The following ADAMTS17 variants were observed in gnomAD, a reference collection of about 807,000 sequenced individuals.
ADAMTS17 encodes the protein ADAM metallopeptidase with thrombospondin type 1 motif 17, also known as A disintegrin and metalloproteinase with thrombospondin motifs 17.
A neutral mutation model predicts 141.5 loss-of-function variants in ADAMTS17; 113 were observed. That is an observed-to-expected ratio of 0.80 (90% CI 0.69 to 0.93). The LOEUF (loss-of-function observed/expected upper bound fraction) is 0.93. ADAMTS17 is among the 40% of genes least tolerant of loss of function. ADAMTS17 has a pLI of 0.00. For missense variants in ADAMTS17, 1,659 were observed against 1,517.9 expected (o/e 1.09, Z -1.54); for synonymous variants, 768 against 630.6 (o/e 1.22, Z -3.27).
Position 99,974,369 on chromosome 15 carries a change from G to C in ADAMTS17, c.*33C>G. The C allele has an allele frequency of 6.2e-7, 1 of 1,613,716 alleles. No individual in the cohort carries two copies. Among genetic ancestry groups the C allele is most frequent in the Non-Finnish European group, 8.5e-7 (1 of 1,180,020 alleles). On this transcript the variant is annotated 3_prime_UTR_variant, in exon 22 of 22. Coordinates refer to ENST00000268070, the MANE Select transcript of ADAMTS17 (RefSeq NM_139057.4). ...GCGGGTGGGTGGGTTTCAGACCTGA[G>C]TCTGAGCTTTGAGCGACCCTTGGGA...
intron 4 of ADAMTS17, among the ~76,000 whole-genome samples, chr15:100,263,891 ACAGCATCAC>A (rs2043617700): frequency 6.6e-6 from 1 of 152,230 alleles, no homozygotes; most frequent in Admixed American, 6.5e-5. Context: ...AGCACGGTAG[ACAGCATCAC>A]CAGGGTCAAC....
chr15:100,145,331 A>T (rs1171936326), intron 10 of ADAMTS17, among the ~76,000 whole-genome samples: 1 of 152,162 alleles, frequency 6.6e-6, no homozygotes, highest in African/African-American at 2.4e-5. Flanking sequence ...AGTCCTCCAA[A>T]TTTTTAGACT....
At chr15:100,162,882 A>ATATATGTGTATATAGAAC (rs2039783566) in intron 8 of ADAMTS17, among the ~76,000 whole-genome samples, 1 of 146,746 alleles carries the variant, frequency 6.8e-6, no homozygotes, top group Non-Finnish European at 1.5e-5. Flanking sequence ...CTATATGTAT[A>ATATATGTGTATATAGAAC]TATATGTGTA....
chr15:99,998,183 G>C (rs1288633758), intron 18 of ADAMTS17, among the ~76,000 whole-genome samples: 1 of 152,210 alleles, frequency 6.6e-6, no homozygotes, highest in Non-Finnish European at 1.5e-5. Flanking sequence ...TGATTAACCA[G>C]AACTAGGCCC....
intron 18 of ADAMTS17, among the ~76,000 whole-genome samples, chr15:100,030,571 T>C (rs2170283): frequency 6.6e-6 from 1 of 152,088 alleles, no homozygotes; most frequent in Non-Finnish European, 1.5e-5. Context: ...TGAATGATGC[T>C]GAGACCCTCC....
chr15:100,252,944 G>C (rs529319934), intron 7 of ADAMTS17, among the ~76,000 whole-genome samples: 82 of 152,300 alleles, frequency 5.4e-4, no homozygotes, highest in East Asian at 9.7e-4. Context: ...AGAAACCAGA[G>C]TGGAGACACA....
At chr15:100,184,075 C>T (rs2040618481) in intron 8 of ADAMTS17, among the ~76,000 whole-genome samples, 1 of 152,114 alleles carries the variant, frequency 6.6e-6, no homozygotes, top group African/African-American at 2.4e-5. Context: ...TCGAGCTGCC[C>T]ACCAGTGTCC....
At chr15:100,001,584 C>T (rs769928876) in intron 18 of ADAMTS17, among the ~76,000 whole-genome samples, 6 of 152,046 alleles carry the variant, frequency 3.9e-5, no homozygotes, top group East Asian at 3.9e-4. Flanking sequence ...AGCACTCTGG[C>T]GGGGAGACCA....
At chr15:99,983,315 G>A (rs28428708) in intron 20 of ADAMTS17, among the ~76,000 whole-genome samples, 5,879 of 152,096 alleles carry the variant, frequency 0.039, 384 homozygotes, top group African/African-American at 0.13. Context: ...GGGATGCGGC[G>A]CCACCTTTCA....
intron 14 of ADAMTS17, among the ~76,000 whole-genome samples, 159 bp downstream of exon 14, chr15:100,108,830 A>G (rs2036565583): frequency 6.6e-6 from 1 of 152,192 alleles, no homozygotes; most frequent in Admixed American, 6.5e-5. Flanking sequence ...TTGGTGCACC[A>G]GGCAACACTG....
intron 8 of ADAMTS17, among the ~76,000 whole-genome samples, chr15:100,161,175 G>A (rs2039676519): frequency 6.6e-6 from 1 of 152,044 alleles, no homozygotes; most frequent in South Asian, 2.1e-4. Flanking sequence ...ATTTGTTTTG[G>A]GAGACACAAA....
At chr15:100,117,052 C>G (rs755460204) in intron 12 of ADAMTS17, 39 bp from the exon 13 acceptor site, 1 of 1,564,490 alleles carries the variant, frequency 6.4e-7, no homozygotes, top group African/African-American at 1.4e-5. Context: ...CCAGGTGGTG[C>G]GACCAAAGGG....
In ADAMTS17 at chr15:99,997,378, C is replaced by A; in HGVS notation, c.2796+7G>T. 2.5e-6 allele frequency: 4 copies of A among 1,613,658 alleles called. No individual in the cohort carries two copies. Among genetic ancestry groups the A allele is most frequent in the Non-Finnish European group, 3.4e-6 (4 of 1,179,998 alleles). On this transcript the variant is annotated splice_region_variant and intron_variant, in intron 19 of 21. Transcript: ENST00000268070. This position sits in a 1 kb window ranked among gnomAD's most constrained non-coding sequence, Gnocchi z 4.7. ...GCTGAGTCCTGGTGGCAAGCCCAGG[C>A]ACCCACCTGTGACCACTCAGACGCC... is the stretch of plus-strand genomic sequence containing the variant.
At chr15:100,097,294 C>T (rs1258955539) in intron 14 of ADAMTS17, among the ~76,000 whole-genome samples, 1 of 152,216 alleles carries the variant, frequency 6.6e-6, no homozygotes, top group East Asian at 1.9e-4. Flanking sequence ...AAAGCTAATG[C>T]TTCCAGAACA....
At chr15:100,318,780 G>A (rs183310222) in intron 3 of ADAMTS17, among the ~76,000 whole-genome samples, 2 of 152,254 alleles carry the variant, frequency 1.3e-5, no homozygotes, top group Non-Finnish European at 2.9e-5. Flanking sequence ...TCCAGCAGTT[G>A]TTGGGCTCAA....
intron 19 of ADAMTS17, among the ~76,000 whole-genome samples, chr15:99,994,334 T>C: frequency 6.6e-6 from 1 of 152,078 alleles, no homozygotes; most frequent in African/African-American, 2.4e-5. Flanking sequence ...TAAAAAGTTC[T>C]AGGCCAAATG....
intron 20 of ADAMTS17, among the ~76,000 whole-genome samples, chr15:99,977,679 G>C (rs1370930117): frequency 6.6e-6 from 1 of 151,838 alleles, no homozygotes; most frequent in Non-Finnish European, 1.5e-5. Flanking sequence ...GCCTCCCAAA[G>C]TGCTGGGATT....
At chr15:100,096,624 A>C in intron 14 of ADAMTS17, 148 bp from the exon 15 acceptor site, 4 of 1,020,296 alleles carry the variant, frequency 3.9e-6, no homozygotes, top group Non-Finnish European at 5.8e-6. Context: ...AAATATTTTA[A>C]TTCAGGAGAG....
At chr15:100,011,292 A>ATG (rs1555530397) in intron 18 of ADAMTS17, among the ~76,000 whole-genome samples, 1 of 2,006 alleles carries the variant, frequency 5.0e-4, no homozygotes, top group Non-Finnish European at 8.6e-4. Context: ...GAAGTAAAGG[A>ATG]GGAGGGAGGG....
Sources: gnomAD v4.1 joint callset for allele counts (sites outside exome capture counted in the v4.1 genomes callset) on GRCh38, gnomAD v4.1.1 for gene constraint, Gnocchi (gnomAD v3.1) non-coding constraint, MANE v1.5 for transcripts, NCBI Gene and HGNC (gene_info 2026-07-23, HGNC 2026-07-21) for gene names.